Variants in SORBS2 observed in about 807,000 individuals in gnomAD.
The protein encoded by SORBS2 is sorbin and SH3 domain containing 2, also known as sorbin and SH3 domain-containing protein 2.
In SORBS2, 46 loss-of-function variants were observed where a neutral mutation model predicts 97.7. The observed-to-expected ratio is 0.47, with a 90% CI of 0.37 to 0.60. The LOEUF is 0.60. Among genes scored for constraint, SORBS2 ranks in the 20% least tolerant of loss-of-function variants. The pLI is 0.00. For synonymous variants in SORBS2, 476 were observed against 473.4 expected, an observed-to-expected ratio of 1.01 and a Z score of -0.07; for missense variants, 1,316 against 1,282.3, an observed-to-expected ratio of 1.03 and a Z score of -0.40.
chr4:185,678,449 G>T (rs2097826852), exon 4 of SORBS2: 1 of 1,550,746 alleles, frequency 6.4e-7, no homozygotes, highest in Non-Finnish European at 8.7e-7. Context: ...TTATCTTGTA[G>T]GTTTGGTCGA....
intron 4 of SORBS2, among the ~76,000 whole-genome samples, chr4:185,675,751 A>G (rs903760665): frequency 2.6e-5 from 4 of 152,144 alleles, no homozygotes; most frequent in Non-Finnish European, 4.4e-5. Context: ...TTATCATCTG[A>G]TTTCATAGGT....
chr4:185,639,042 G>A lies in SORBS2; in HGVS notation c.396+7626C>T. The stretch of plus-strand genomic sequence containing the variant: ...GAGTTGTTGGGAGAGGGGGCTGCAA[G>A]AAAGAGGGGTGCAGAAACTGGTTCA... On this transcript the variant is annotated intron_variant, in intron 4 of 14. Coordinates refer to ENST00000418609, the Ensembl canonical transcript of SORBS2. 6.6e-7 allele frequency: 1 copy of A among 1,513,786 alleles called. No individual in the cohort carries two copies. Among genetic ancestry groups the A allele is most frequent in the East Asian group, 2.7e-5 (1 of 36,638 alleles). 93.8% of individuals were successfully genotyped at this position (1,513,786 alleles called of 1,614,324 possible). A position where few individuals can be genotyped will look rare whatever the true frequency, so the allele number is the denominator to read the frequency against.
At chr4:185,847,158 G>A (rs909203806) in intron 1 of SORBS2, among the ~76,000 whole-genome samples, 3 of 152,212 alleles carry the variant, frequency 2.0e-5, no homozygotes, top group African/African-American at 7.2e-5. Flanking sequence ...GATAGAGTCT[G>A]AGAGTATTCC....
chr4:185,594,768 A>C (rs1266813750), intron 12 of SORBS2, among the ~76,000 whole-genome samples: 1 of 152,208 alleles, frequency 6.6e-6, no homozygotes. Flanking sequence ...AACTCAGTGT[A>C]ATTTATATTG....
At chr4:185,618,938 A>G (rs893166760) in intron 8 of SORBS2, among the ~76,000 whole-genome samples, 2 of 152,214 alleles carry the variant, frequency 1.3e-5, no homozygotes, top group Admixed American at 1.3e-4. Context: ...TGGCTGTTAC[A>G]AAGGCTCTTC....
At chr4:185,654,466 T>C (rs1330389419) in intron 1 of SORBS2, among the ~76,000 whole-genome samples, 2 of 152,188 alleles carry the variant, frequency 1.3e-5, no homozygotes, top group Non-Finnish European at 2.9e-5. Flanking sequence ...GCAATACATG[T>C]TGACAGACAG....
At chr4:185,887,170 A>C (rs1468198443) in intron 1 of SORBS2, among the ~76,000 whole-genome samples, 10 of 152,240 alleles carry the variant, frequency 6.6e-5, no homozygotes, top group Non-Finnish European at 2.9e-5. Flanking sequence ...TTGGCTGTTG[A>C]GTGAGAATCT....
rs1326446867 is a variant in SORBS2 at position 185,847,976 on chromosome 4, C to A, written c.-337-72610G>T. Reference sequence around the variant, plus strand: ...TGCCGAGTCGCAGGGCTGACCTGGCCTGAATTGTGGGATCTGAACTCTCCC... The same window carrying A: ...TGCCGAGTCGCAGGGCTGACCTGGCATGAATTGTGGGATCTGAACTCTCCC... On this transcript the variant is annotated intron_variant, in intron 1 of 20. Transcript: ENST00000284776. Among the ~76,000 whole-genome samples the A allele has an allele frequency of 3.3e-5, 5 of 152,284 alleles. No homozygotes were observed. The East Asian group carries it at 9.7e-4, about 29-fold the overall frequency.
At chr4:185,933,758 C>CA (rs2099267569) in intron 1 of SORBS2, among the ~76,000 whole-genome samples, 1 of 151,944 alleles carries the variant, frequency 6.6e-6, no homozygotes, top group Non-Finnish European at 1.5e-5. Flanking sequence ...ACTCATTTCC[C>CA]AAAAAAAGTC....
chr4:185,935,133 G>T (rs766529547), intron 1 of SORBS2, among the ~76,000 whole-genome samples: 1 of 152,090 alleles, frequency 6.6e-6, no homozygotes, highest in Non-Finnish European at 1.5e-5. Context: ...AAGAAACACA[G>T]TTTGTACCCA....
chr4:185,662,520 G>A (rs1256197372), intron 4 of SORBS2, among the ~76,000 whole-genome samples: 1 of 152,218 alleles, frequency 6.6e-6, no homozygotes, highest in East Asian at 1.9e-4. Flanking sequence ...TGCCAACAGA[G>A]GTGCCAAATG....
intron 1 of SORBS2, among the ~76,000 whole-genome samples, chr4:185,805,064 T>C (rs940070435): frequency 5.3e-5 from 8 of 152,160 alleles, no homozygotes; most frequent in Non-Finnish European, 1.2e-4. Context: ...TCTTGATGAA[T>C]GTGACTGTAC....
chr4:185,889,391 C>T (rs1345405260), intron 1 of SORBS2, among the ~76,000 whole-genome samples: 1 of 152,032 alleles, frequency 6.6e-6, no homozygotes, highest in Non-Finnish European at 1.5e-5. Flanking sequence ...CGATGCCTCA[C>T]CATTCACGCA....
At chr4:185,588,438 G>A (rs754493896) in intron 14 of SORBS2, among the ~76,000 whole-genome samples, 10 of 152,170 alleles carry the variant, frequency 6.6e-5, no homozygotes, top group Non-Finnish European at 1.3e-4. Context: ...AAAAGTTGGT[G>A]CACTAAATTG....
At chr4:185,838,346 G>A (rs1248253476) in intron 1 of SORBS2, among the ~76,000 whole-genome samples, 2 of 152,216 alleles carry the variant, frequency 1.3e-5, no homozygotes, top group Non-Finnish European at 2.9e-5. Flanking sequence ...GCTCCCCTGG[G>A]GGCTTGGGCA....
chr4:185,736,109 TCTC>T (rs2098685926), intron 2 of SORBS2, among the ~76,000 whole-genome samples: 2 of 152,244 alleles, frequency 1.3e-5, no homozygotes, highest in Admixed American at 6.5e-5. Context: ...TCAGACACAC[TCTC>T]CACTGCCGCA....
chr4:185,789,818 T>C (rs1022048212), intron 1 of SORBS2, among the ~76,000 whole-genome samples: 8 of 152,294 alleles, frequency 5.3e-5, no homozygotes, highest in African/African-American at 1.9e-4. Context: ...TGAGGTATTG[T>C]TAGGTAATTT....
chr4:185,921,054 T>G (rs2099260696), intron 1 of SORBS2, among the ~76,000 whole-genome samples: 1 of 152,232 alleles, frequency 6.6e-6, no homozygotes. Flanking sequence ...ATGCTGATAC[T>G]TTCCTTGTCA....
chr4:185,816,548 G>C (rs1328662318), intron 1 of SORBS2, among the ~76,000 whole-genome samples: 1 of 152,202 alleles, frequency 6.6e-6, no homozygotes, highest in Non-Finnish European at 1.5e-5. Context: ...TTAGGAGGAG[G>C]ATTGAAGTAT....
Sources: allele counts gnomAD v4.1 joint callset (sites outside exome capture counted in the v4.1 genomes callset), GRCh38; gene constraint gnomAD v4.1.1; transcripts MANE v1.5; gene names NCBI Gene and HGNC (gene_info 2026-07-23, HGNC 2026-07-21).